The following GCA variants were observed in gnomAD, a reference collection of about 807,000 sequenced individuals.
GCA encodes the protein grancalcin, also known as grancalcin, EF-hand calcium-binding protein.
GCA carries 30 observed loss-of-function variants against 32.6 expected under a neutral mutation model. The ratio of observed to expected loss-of-function variants is 0.92; its 90% confidence interval spans 0.69 to 1.25. The LOEUF is 1.25. GCA is among the 50% of genes most tolerant of loss of function. The pLI, the probability that GCA is intolerant of heterozygous loss-of-function variation, is 0.00. For missense variants in GCA, 291 were observed against 266.8 expected (o/e 1.09, Z -0.63); for synonymous variants, 102 against 84.6 (o/e 1.21, Z -1.13).
chr2:162,330,491 T>C (rs1684038154), intron 1 of GCA, among the ~76,000 whole-genome samples: 3 of 152,236 alleles, frequency 2.0e-5, no homozygotes, highest in Non-Finnish European at 4.4e-5. Context: ...TGTACCTGAA[T>C]ACACACATTG....
rs544423893 is a variant in GCA, at chr2:162,322,461, G to A, written c.-31+3236G>A. 1.3e-3 allele frequency among the ~76,000 whole-genome samples: 191 copies of A among 150,774 alleles called. 4 individuals carry two copies. Among genetic ancestry groups the A allele is most frequent in the African/African-American group, 4.5e-3 (181 of 40,534 alleles). On this transcript the variant is annotated intron_variant, in intron 1 of 4. Transcript: ENST00000429691. ...TAGGGTACATGTGCACAATGTGCAG[G>A]TTGGTTACATATGTATACATGTGTC...
At chr2:162,345,962 A>G (rs1284870260) in intron 1 of GCA, among the ~76,000 whole-genome samples, 2 of 152,296 alleles carry the variant, frequency 1.3e-5, no homozygotes, top group East Asian at 3.9e-4. Context: ...ACTTTTATCT[A>G]ATTAAGTGCA....
At chr2:162,365,975 A>T (rs1685738025), downstream of GCA, among the ~76,000 whole-genome samples, 1 of 151,712 alleles carries the variant, frequency 6.6e-6, no homozygotes, top group Non-Finnish European at 1.5e-5. Flanking sequence ...CAAACAATAT[A>T]TGTCAGTATA....
chr2:162,363,508 A>G (rs551312940), downstream of GCA, among the ~76,000 whole-genome samples: 4 of 151,528 alleles, frequency 2.6e-5, no homozygotes, highest in African/African-American at 7.2e-5. Context: ...AGAAGTTATG[A>G]GTGCAGACAG....
intron 1 of GCA, among the ~76,000 whole-genome samples, chr2:162,334,381 C>T (rs993751636): frequency 1.3e-5 from 2 of 151,918 alleles, no homozygotes; most frequent in African/African-American, 4.8e-5. Context: ...AGAAGATAAC[C>T]TTCTACTTCA....
At chr2:162,371,936 A>G (rs1019306743), downstream of GCA, 6 of 1,613,786 alleles carry the variant, frequency 3.7e-6, no homozygotes, top group African/African-American at 1.3e-5. Flanking sequence ...GGATGAACGT[A>G]AGTTTTTCTT....
At chr2:162,340,606 C>T (rs1372672867), upstream of GCA, among the ~76,000 whole-genome samples, 3 of 152,108 alleles carry the variant, frequency 2.0e-5, no homozygotes, top group Non-Finnish European at 2.9e-5. Flanking sequence ...TCAAACTCTT[C>T]GGTGGCTCCG....
intron 4 of GCA, 83 bp downstream of exon 4, chr2:162,356,564 C>T: frequency 2.2e-6 from 2 of 902,612 alleles, no homozygotes; most frequent in African/African-American, 1.7e-5. Context: ...ATTTCAGTGC[C>T]TGTAGTAAAC....
chr2:162,344,116 A>T, upstream of GCA: 1 of 890,764 alleles, frequency 1.1e-6, no homozygotes, highest in Non-Finnish European at 1.8e-6. Context: ...GGTTCGGAGG[A>T]GTGAACTGTG....
rs1224554151 is a variant in GCA at position 162,362,165 on chromosome 2, T to C, written c.*1922T>C. 2 of 984,512 alleles carry C rather than the reference T, an allele frequency of 2.0e-6. No homozygotes were observed. The highest frequency in any genetic ancestry group is 2.4e-6 in the Non-Finnish European group (2 of 829,454). 61.0% of individuals were successfully genotyped at this position (984,512 alleles called of 1,614,324 possible). A position where few individuals can be genotyped will look rare whatever the true frequency, so the allele number is the denominator to read the frequency against. On this transcript the variant is annotated 3_prime_UTR_variant, in exon 8 of 8. Coordinates refer to ENST00000437150, the MANE Select transcript of GCA (RefSeq NM_012198.5). ...TCTCACTTTCTAAAGCTTGACAAGGTATATTAGCATCTGAAACCCCAAGGT... is the reference window on the plus strand; with the variant it reads ...TCTCACTTTCTAAAGCTTGACAAGGCATATTAGCATCTGAAACCCCAAGGT...
downstream of GCA, among the ~76,000 whole-genome samples, chr2:162,374,709 T>A (rs993884539): frequency 2.0e-5 from 3 of 152,066 alleles, no homozygotes; most frequent in Admixed American, 6.6e-5. Context: ...TGAGAAAATA[T>A]CTTCTTTTTT....
At chr2:162,322,842 A>G (rs1020949611) in intron 1 of GCA, among the ~76,000 whole-genome samples, 2 of 151,586 alleles carry the variant, frequency 1.3e-5, no homozygotes, top group Admixed American at 6.6e-5. Context: ...AGTCTTTGCT[A>G]TTGTGAATAA....
chr2:162,341,239 T>C (rs1214752821), upstream of GCA, among the ~76,000 whole-genome samples: 1 of 146,158 alleles, frequency 6.8e-6, no homozygotes, highest in East Asian at 2.0e-4. Context: ...TAATGTTGGT[T>C]TCCATTAGCT....
intron 4 of GCA, among the ~76,000 whole-genome samples, chr2:162,370,295 C>A (rs2105376428): frequency 6.6e-6 from 1 of 152,118 alleles, no homozygotes; most frequent in East Asian, 1.9e-4. Flanking sequence ...CAATAAATTT[C>A]AATATTTTTG....
chr2:162,356,594 T>C, intron 4 of GCA, 113 bp downstream of exon 4: 1 of 870,814 alleles, frequency 1.1e-6, no homozygotes, highest in Non-Finnish European at 1.9e-6. Flanking sequence ...TAAAAATACT[T>C]TGTAAGATCC....
chr2:162,364,819 G>A (rs1463672376), downstream of GCA, among the ~76,000 whole-genome samples: 2 of 151,492 alleles, frequency 1.3e-5, no homozygotes, highest in Non-Finnish European at 3.0e-5. Context: ...TGAAGCAAAC[G>A]TATGTTATAA....
At chr2:162,350,037 C>A (rs1684911812) in intron 2 of GCA, among the ~76,000 whole-genome samples, 1 of 152,064 alleles carries the variant, frequency 6.6e-6, no homozygotes, top group Non-Finnish European at 1.5e-5. Flanking sequence ...CATTTAAAAC[C>A]CCCTTTTACC....
chr2:162,367,911 G>A (rs184059113), downstream of GCA, among the ~76,000 whole-genome samples: 317 of 152,062 alleles, frequency 2.1e-3, 1 homozygote, highest in Middle Eastern at 3.4e-3. Context: ...AAAAGACTGG[G>A]GGAGGTTAAC....
chr2:162,356,145 T>C (rs1169784977), intron 3 of GCA, among the ~76,000 whole-genome samples: 1 of 152,096 alleles, frequency 6.6e-6, no homozygotes, highest in Non-Finnish European at 1.5e-5. Flanking sequence ...TTCCCCAGGC[T>C]TGGGTGAAGC....
Sources: allele counts gnomAD v4.1 joint callset (sites outside exome capture counted in the v4.1 genomes callset), GRCh38; gene constraint gnomAD v4.1.1; transcripts MANE v1.5; gene names NCBI Gene and HGNC (gene_info 2026-07-23, HGNC 2026-07-21).